Variants in TLN1 observed in about 807,000 individuals in gnomAD.
TLN1 encodes talin-1.
A neutral mutation model predicts 292.3 loss-of-function variants in TLN1; 56 were observed. The ratio of observed to expected loss-of-function variants is 0.19; its 90% CI spans 0.15 to 0.24. TLN1 has a LOEUF of 0.24. Among genes scored for constraint, TLN1 ranks in the 10% least tolerant of loss-of-function variants. The pLI, the probability that TLN1 is intolerant of heterozygous loss-of-function variation, is 1.00. For synonymous variants in TLN1, 1,119 were observed against 1,253.7 expected (o/e 0.89, Z 2.27); for missense variants, 2,433 against 3,248.2 (o/e 0.75, Z 6.10).
chr9:35,718,705 T>A, intron 17 of TLN1, 107 bp downstream of exon 17: 1 of 851,508 alleles, frequency 1.2e-6, no homozygotes, highest in African/African-American at 1.7e-5. Flanking sequence ...GAGGTTCAGA[T>A]TGGTTTTTAG....
In TLN1 at chr9:35,698,061, C is replaced by T; in HGVS notation, c.7483G>A (p.Val2495Ile). The change falls in exon 56 of 57, where the codon GTT becomes ATT. Residue 2495 changes from valine to isoleucine, a missense_variant. Physicochemically the swap from Val to Ile is conservative, Grantham distance 29. This residue lies in a region of TLN1 where 141 missense variants were observed against 248.5 expected (regional missense o/e 0.57). Transcript: ENST00000314888. The surrounding 1 kb of genome is among the most constrained non-coding windows in gnomAD (Gnocchi z 5.3). ...NETVVVKEKM[V>I]GGIAQIIAAQ... ...AAGCTCACCTGGGCAATGCCGCCAA[C>T]CATCTTCTCTTTCACCACCACTGTC... The T allele has an allele frequency of 1.9e-6, 3 of 1,614,188 alleles. No homozygotes were observed. Among genetic ancestry groups the T allele is most frequent in the Non-Finnish European group, 2.5e-6 (3 of 1,180,048 alleles).
chr9:35,702,386 C>G (rs1039786342), intron 48 of TLN1, among the ~76,000 whole-genome samples: 4 of 152,116 alleles, frequency 2.6e-5, no homozygotes, highest in African/African-American at 4.8e-5. Context: ...TTTGTACAAC[C>G]CTGGGAAGGC....
rs879051593 is a variant in TLN1, at chr9:35,706,349, C to T, written c.5208G>A (p.Gln1736=). 1 of 1,609,866 alleles carries T rather than the reference C, an allele frequency of 6.2e-7. No individual in the cohort carries two copies. Among genetic ancestry groups the T allele is most frequent in the Non-Finnish European group, 8.5e-7 (1 of 1,177,786 alleles). The change falls in exon 40 of 57, where the codon CAG becomes CAA. Residue 1736 remains glutamine, a synonymous_variant. Transcript: ENST00000314888. This position sits in a 1 kb window ranked among gnomAD's most constrained non-coding sequence, Gnocchi z 4.2. ...CAGCCAGGGTGAGCGGCTCAAAGTA[C>T]TGCGCCATCTGGGACACCTGAGGCA... is the stretch of plus-strand genomic sequence containing the variant. ...QLGHKVSQMA[Q]YFEPLTLAAV... is the part of the protein sequence containing the mutation.
chr9:35,725,477 A>C, intron 2 of TLN1, 88 bp downstream of exon 2: 1 of 1,571,682 alleles, frequency 6.4e-7, no homozygotes, highest in South Asian at 1.1e-5. Context: ...GTCTTAGGGG[A>C]CAAAGGGGTC....
chr9:35,729,072 A>ACT (rs3069715), intron 1 of TLN1, among the ~76,000 whole-genome samples: 151,909 of 152,382 alleles, frequency 1, 75,718 homozygotes, highest in Middle Eastern at 1. Context: ...CCATTTATTG[A>ACT]CTATGTCACT....
intron 7 of TLN1, chr9:35,723,142 C>T: frequency 7.4e-6 from 3 of 402,706 alleles, no homozygotes; most frequent in Admixed American, 3.8e-5. Context: ...ACTCTTGTTG[C>T]CCAGGCTGGA....
chr9:35,720,114 G>C lies in TLN1; in HGVS notation c.1389C>G (p.Phe463Leu), dbSNP rs1825855532. The change falls in exon 13 of 57, where the codon TTC (phenylalanine) becomes TTG (leucine). Residue 463 changes from phenylalanine (F) to leucine (L), a missense_variant. Physicochemically the swap from Phe to Leu is conservative, Grantham distance 22. Transcript: ENST00000314888. Reference sequence around the variant, plus strand: ...GGGCAGGGGGCATGCTGCCCACCTGGAAATTCTCAGGACCAGAGGCTCCAG... The same window carrying C: ...GGGCAGGGGGCATGCTGCCCACCTGCAAATTCTCAGGACCAGAGGCTCCAG... Reference protein sequence around the residue: ...MRSGASGPENFQVGSMPPAQQ... With the variant: ...MRSGASGPENLQVGSMPPAQQ... 2 of 1,612,308 alleles carry C rather than the reference G, an allele frequency of 1.2e-6. No individual in the cohort carries two copies. The highest frequency in any genetic ancestry group is 1.7e-6 in the Non-Finnish European group (2 of 1,179,300).
At chr9:35,711,473 T>C in intron 29 of TLN1, 79 bp from the exon 30 acceptor site, 1 of 1,607,570 alleles carries the variant, frequency 6.2e-7, no homozygotes. Flanking sequence ...TCCCAGACAC[T>C]CAAGTAGTGC....
intron 48 of TLN1, 58 bp from the exon 49 acceptor site, chr9:35,700,434 A>T: frequency 6.6e-7 from 1 of 1,516,016 alleles, no homozygotes; most frequent in Non-Finnish European, 9.0e-7. Flanking sequence ...GAGACAGCGT[A>T]GAACTCTGTG....
In TLN1 at chr9:35,724,633, T is replaced by C. The variant is rs932835503; in HGVS notation, c.450A>G (p.Thr150=). 2 of 1,614,136 alleles carry C rather than the reference T, an allele frequency of 1.2e-6. No individual in the cohort carries two copies. The highest frequency in any genetic ancestry group is 2.7e-5 in the African/African-American group (2 of 74,950). Residue 150 remains threonine, a synonymous_variant, in exon 5 of 57, where the codon ACA becomes ACG. Transcript: ENST00000314888. This position sits in a 1 kb window ranked among gnomAD's most constrained non-coding sequence, Gnocchi z 4.7. ...EITGTLRKDK[T]LLRDEKKMEK... Reference sequence around the variant, plus strand: ...CCATCTTCTTTTCATCTCGCAGCAATGTCTTGTCCTTTCTTAAGGTCCCTG... The same window carrying C: ...CCATCTTCTTTTCATCTCGCAGCAACGTCTTGTCCTTTCTTAAGGTCCCTG...
At chr9:35,710,012 C>A (rs1467088825) in intron 33 of TLN1, among the ~76,000 whole-genome samples, 2 of 145,848 alleles carry the variant, frequency 1.4e-5, no homozygotes, top group African/African-American at 5.1e-5. Flanking sequence ...GATATCGAGA[C>A]CATCCTGGCT....
rs185874978 is a variant in TLN1, at chr9:35,716,161, G to C, written c.2625+229C>G. Among the ~76,000 whole-genome samples, 14 of 143,258 alleles carry C rather than the reference G, an allele frequency of 9.8e-5. No homozygotes were observed. The East Asian group carries it at 2.5e-3, about 26-fold the overall frequency. 94.0% of individuals were successfully genotyped at this position (143,258 alleles called of 152,430 possible). A position where few individuals can be genotyped will look rare whatever the true frequency, so the allele number is the denominator to read the frequency against. On this transcript the variant is annotated intron_variant, in intron 20 of 56. Coordinates refer to ENST00000314888, the MANE Select transcript of TLN1 (RefSeq NM_006289.4). ...ACTTGAGTCCAAGAGTTTGAGACCAGCCTGGGCAACACAGTGAGACCACAT... is the reference window on the plus strand; with the variant it reads ...ACTTGAGTCCAAGAGTTTGAGACCACCCTGGGCAACACAGTGAGACCACAT...
intron 7 of TLN1, 189 bp downstream of exon 7, chr9:35,723,763 C>T: frequency 1.3e-6 from 1 of 786,500 alleles, no homozygotes; most frequent in Non-Finnish European, 2.0e-6. Flanking sequence ...TACTGAACTA[C>T]ATTCATATTC....
At chr9:35,712,233 A>C in intron 27 of TLN1, 109 bp from the exon 28 acceptor site, 1 of 1,408,722 alleles carries the variant, frequency 7.1e-7, no homozygotes, top group South Asian at 1.5e-5. Context: ...AAAGTGAAAA[A>C]AGAAAGGGGG....
In TLN1 at chr9:35,698,279, A is replaced by G. The variant is rs745606863; in HGVS notation, c.7371+44T>C. 6.8e-5 allele frequency: 109 copies of G among 1,609,948 alleles called. 1 individual carries two copies. The highest frequency in any genetic ancestry group is 3.3e-4 in the Middle Eastern group (2 of 6,048). ...ATACATCTCGGGAGTGACAGTTTGA[A>G]GCAGTATAGCCCAAGGGACAATGGG... On this transcript the variant is annotated intron_variant, in intron 55 of 56. Transcript: ENST00000314888. This position sits in a 1 kb window ranked among gnomAD's most constrained non-coding sequence, Gnocchi z 5.3.
chr9:35,703,599 G>T lies in TLN1; in HGVS notation c.6435C>A (p.Ala2145=), dbSNP rs1402604157. 3.1e-6 allele frequency: 5 copies of T among 1,614,018 alleles called. No individual in the cohort carries two copies. Among genetic ancestry groups the T allele is most frequent in the Non-Finnish European group, 4.2e-6 (5 of 1,180,036 alleles). ...GTATGTGTTCTGTGGTTGCCTCCAG[G>T]GCCCGAGTGCCTTTGGTGGCCTCAT... ...VEDEATKGTR[A]LEATTEHIRQ... Residue 2145 remains alanine, a synonymous_variant, in exon 48 of 57, where the codon GCC becomes GCA. Coordinates refer to ENST00000314888, the MANE Select transcript of TLN1 (RefSeq NM_006289.4).
At position 35,716,475 on chromosome 9, in the gene TLN1, T is replaced by C. The variant is rs755083449; in HGVS notation, c.2540A>G (p.Glu847Gly). 3.7e-6 allele frequency: 6 copies of C among 1,614,052 alleles called. No homozygotes were observed. Among genetic ancestry groups the C allele is most frequent in the South Asian group, 1.1e-5 (1 of 91,084 alleles). Reference protein sequence around the residue: ...VNAIKADAEGESDLENSRKLL... With the variant: ...VNAIKADAEGGSDLENSRKLL... The stretch of plus-strand genomic sequence containing the variant: ...CTTGCGGGAGTTCTCCAGATCACTT[T>C]CCCCCTCAGCATCAGCCTTGATGGC... Residue 847 changes from glutamate (E) to glycine (G), a missense_variant, in exon 20 of 57, where the codon GAA becomes GGA. Physicochemically the swap from Glu to Gly is moderately conservative, Grantham distance 98. This residue lies in a region of TLN1 where 617 missense variants were observed against 770.6 expected (regional missense o/e 0.80). Coordinates refer to ENST00000314888, the MANE Select transcript of TLN1 (RefSeq NM_006289.4).
In TLN1 at chr9:35,720,483, C is replaced by T; in HGVS notation, c.1233G>A (p.Leu411=). 6.2e-7 allele frequency: 1 copy of T among 1,614,134 alleles called. No individual in the cohort carries two copies. Among genetic ancestry groups the T allele is most frequent in the Non-Finnish European group, 8.5e-7 (1 of 1,180,022 alleles). Reference sequence around the variant, plus strand: ...GCATAGTAGACTCCTCATCTCCTTCCAGCCCAAAGTGATCCTTGCTTTTTT... The same window carrying T: ...GCATAGTAGACTCCTCATCTCCTTCTAGCCCAAAGTGATCCTTGCTTTTTT... The part of the protein sequence containing the change: ...KKKKSKDHFG[L]EGDEESTMLE... Residue 411 remains leucine (L), a synonymous_variant, in exon 12 of 57, where the codon CTG becomes CTA. Transcript: ENST00000314888.
Position 35,698,395 on chromosome 9 carries a change from G to C in TLN1, c.7299C>G (p.Ala2433=). The change falls in exon 55 of 57, where the codon GCC becomes GCG. Residue 2433 remains alanine (A), a synonymous_variant. Coordinates refer to ENST00000314888, the MANE Select transcript of TLN1 (RefSeq NM_006289.4). This position sits in a 1 kb window ranked among gnomAD's most constrained non-coding sequence, Gnocchi z 5.3. ...AGGCCACAAGGAGCTGGGCTGTGGA[G>C]GCAGCTACCTGCTTGGCTGATGAGA... ...KLISSAKQVA[A]STAQLLVACK... is the part of the protein sequence containing the mutation. The C allele has an allele frequency of 2.5e-6, 4 of 1,614,202 alleles. No individual in the cohort carries two copies. The highest frequency in any genetic ancestry group is 3.4e-6 in the Non-Finnish European group (4 of 1,180,048).
Sources: allele counts gnomAD v4.1 joint callset (sites outside exome capture counted in the v4.1 genomes callset), GRCh38; gene constraint gnomAD v4.1.1; regional missense constraint gnomAD v4.1.1; non-coding constraint Gnocchi (gnomAD v3.1); transcripts MANE v1.5; gene names NCBI Gene and HGNC (gene_info 2026-07-23, HGNC 2026-07-21).